DLG5: variants seen among roughly 807,000 people sequenced by gnomAD.
The protein encoded by DLG5 is discs large MAGUK scaffold protein 5.
Under a neutral mutation model 189.8 loss-of-function variants are expected in DLG5, and 48 were observed. That is an observed-to-expected ratio of 0.25 (90% CI 0.20 to 0.32). The LOEUF is 0.32. Ranked by LOEUF, DLG5 falls within the 10% of genes least tolerant of loss-of-function variation. The pLI, the probability that DLG5 is intolerant of heterozygous loss-of-function variation, is 1.00. For synonymous variants in DLG5, 1,016 were observed against 1,054.1 expected (o/e 0.96, Z 0.70); for missense variants, 2,160 against 2,544.7 (o/e 0.85, Z 3.25).
chr10:77,846,813 T>A (rs906558602), intron 5 of DLG5: 3 of 438,642 alleles, frequency 6.8e-6, no homozygotes, highest in African/African-American at 6.1e-5. Context: ...TGTCATTGCC[T>A]GAGTTCCCCA....
At chr10:77,937,282 C>T in the DLG5 span, among the ~76,000 whole-genome samples, 14 of 152,218 alleles carry the variant, frequency 9.2e-5, no homozygotes, top group Non-Finnish European at 7.3e-5. Flanking sequence ...AAACTCCTCT[C>T]ATTCTCTAGG....
At chr10:77,858,856 G>T (rs1049065131) in intron 2 of DLG5, among the ~76,000 whole-genome samples, 2 of 152,172 alleles carry the variant, frequency 1.3e-5, no homozygotes, top group Non-Finnish European at 2.9e-5. Context: ...TGTACAATGT[G>T]TTTGTGTGTA....
At chr10:77,904,810 G>A (rs963344551) in intron 1 of DLG5, among the ~76,000 whole-genome samples, 1 of 151,938 alleles carries the variant, frequency 6.6e-6, no homozygotes, top group African/African-American at 2.4e-5. Context: ...ATCCTGAGCA[G>A]AGTTTTACTT....
At chr10:77,884,677 C>T (rs1589252427) in intron 1 of DLG5, among the ~76,000 whole-genome samples, 1 of 152,244 alleles carries the variant, frequency 6.6e-6, no homozygotes, top group South Asian at 2.1e-4. Flanking sequence ...GGACAATTAT[C>T]TTTTTTCCAT....
chr10:77,796,539 C>T lies in DLG5; in HGVS notation c.5220G>A (p.Arg1740=), dbSNP rs1840931450. 1 of 1,614,178 alleles carries T rather than the reference C, an allele frequency of 6.2e-7. No individual in the cohort carries two copies. Among genetic ancestry groups the T allele is most frequent in the African/African-American group, 1.3e-5 (1 of 75,056 alleles). ...RVQKVDCTAL[R]PVLILGPLLD... Reference sequence around the variant, plus strand: ...GCAAAGGCCCCAGAATCAGGACAGGCCTCAGAGCGGTGCAGTCCACCTTCT... The same window carrying T: ...GCAAAGGCCCCAGAATCAGGACAGGTCTCAGAGCGGTGCAGTCCACCTTCT... The change falls in exon 28 of 32, where the codon AGG becomes AGA. Residue 1740 remains arginine, a synonymous_variant. Coordinates refer to ENST00000372391, the MANE Select transcript of DLG5 (RefSeq NM_004747.4). The surrounding 1 kb of genome is among the most constrained non-coding windows in gnomAD (Gnocchi z 5.2).
chr10:77,820,459 G>T (rs1035069663), intron 15 of DLG5: 5 of 165,754 alleles, frequency 3.0e-5, no homozygotes, highest in African/African-American at 9.6e-5. Flanking sequence ...GGACATGAAT[G>T]GGAACGCTGC....
rs376751552 is a variant in DLG5 at position 77,854,286 on chromosome 10, G to A, written c.621C>T (p.Asn207=). 3.7e-6 allele frequency: 6 copies of A among 1,614,222 alleles called. No individual in the cohort carries two copies. Among genetic ancestry groups the A allele is most frequent in the Non-Finnish European group, 5.1e-6 (6 of 1,180,050 alleles). Residue 207 remains asparagine (N), a synonymous_variant, in exon 4 of 32, where the codon AAC becomes AAT. Coordinates refer to ENST00000372391, the MANE Select transcript of DLG5 (RefSeq NM_004747.4). ...ACCTCTTCAAGGCGTTGGTGTGCTG[G>A]TTCTGCAGGCTCTGCAGGTCCGACA... ...RAMSDLQSLQ[N]QHTNALKRCE... is the part of the protein sequence containing the mutation.
chr10:77,840,480 G>C (rs535418310), intron 7 of DLG5, among the ~76,000 whole-genome samples: 4 of 152,358 alleles, frequency 2.6e-5, no homozygotes, highest in African/African-American at 7.2e-5. Flanking sequence ...TACTTTGGGA[G>C]GCCGAGGCGG....
At chr10:77,856,704 G>A in intron 3 of DLG5, 26 bp downstream of exon 3, 1 of 1,608,016 alleles carries the variant, frequency 6.2e-7, no homozygotes, top group Non-Finnish European at 8.5e-7. Context: ...ATGGGGCCTG[G>A]GCAGGGGAGA....
chr10:77,866,722 CTG>C (rs1844698251), intron 2 of DLG5, among the ~76,000 whole-genome samples: 1 of 152,030 alleles, frequency 6.6e-6, no homozygotes, highest in Admixed American at 6.6e-5. Context: ...CGCCATGAGA[CTG>C]TGTGAAGACA....
At chr10:77,917,419 G>A (rs1343856975) in intron 1 of DLG5, among the ~76,000 whole-genome samples, 2 of 151,946 alleles carry the variant, frequency 1.3e-5, no homozygotes, top group Non-Finnish European at 2.9e-5. Flanking sequence ...GGGAGGCTGA[G>A]GTGGGAGGAT....
At chr10:77,894,302 G>C (rs2154577696) in intron 1 of DLG5, among the ~76,000 whole-genome samples, 2 of 152,170 alleles carry the variant, frequency 1.3e-5, no homozygotes, top group East Asian at 3.9e-4. Flanking sequence ...CTGTGCCTCT[G>C]TCTGCACCTC....
intron 8 of DLG5, 129 bp downstream of exon 8, chr10:77,835,609 G>C (rs1269763811): frequency 1.0e-6 from 1 of 989,068 alleles, no homozygotes. Flanking sequence ...GGGTGAGAAA[G>C]GAGGAGCCCA....
At chr10:77,910,732 G>C (rs1273851092) in intron 1 of DLG5, among the ~76,000 whole-genome samples, 1 of 152,140 alleles carries the variant, frequency 6.6e-6, no homozygotes, top group African/African-American at 2.4e-5. Flanking sequence ...AGCACTTTGG[G>C]GGGCCAAGGC....
chr10:77,861,907 C>CTG (rs1203585644), intron 2 of DLG5, among the ~76,000 whole-genome samples: 4 of 152,200 alleles, frequency 2.6e-5, no homozygotes, highest in African/African-American at 4.8e-5. Context: ...ATCCATCACA[C>CTG]ATCAGGCTCT....
intron 1 of DLG5, among the ~76,000 whole-genome samples, chr10:77,916,177 GC>G (rs1410338906): frequency 6.6e-6 from 1 of 152,100 alleles, no homozygotes; most frequent in Non-Finnish European, 1.5e-5. Context: ...CCATGATCAT[GC>G]CACTGCACTC....
Position 77,861,530 on chromosome 10 carries a change from A to G in DLG5, c.374-4638T>C, listed in dbSNP as rs551661700. The stretch of plus-strand genomic sequence containing the variant: ...CCCAACACACCCCATCTCTGTCTCC[A>G]GACGTCTCAGTCTACAGCCATGAGG... On this transcript the variant is annotated intron_variant, in intron 2 of 31. Coordinates refer to ENST00000372391, the MANE Select transcript of DLG5 (RefSeq NM_004747.4). Among the ~76,000 whole-genome samples, 5 of 152,342 alleles carry G rather than the reference A, an allele frequency of 3.3e-5. No individual in the cohort carries two copies. The South Asian group carries it at 1.0e-3, about 32-fold the overall frequency.
chr10:77,824,545 G>C (rs951428496), intron 13 of DLG5, 69 bp from the exon 14 acceptor site: 63 of 1,259,964 alleles, frequency 5.0e-5, no homozygotes, highest in Non-Finnish European at 6.2e-5. Context: ...CAGGATCTCT[G>C]CCTACCTAAC....
chr10:77,842,206 G>A lies in DLG5; in HGVS notation c.1125-13C>T, dbSNP rs772663672. The A allele has an allele frequency of 2.9e-5, 47 of 1,595,066 alleles. No individual in the cohort carries two copies. The highest frequency in any genetic ancestry group is 8.8e-5 in the South Asian group (8 of 90,624). On this transcript the variant is annotated splice_polypyrimidine_tract_variant and intron_variant, in intron 6 of 31. Transcript: ENST00000372391. ...GATCGCCTCAAACCTGGCAAGAGAG[G>A]TGGCGAGATGTGGGAAGGGCGGGGG...
Sources: gnomAD v4.1 joint callset for allele counts (sites outside exome capture counted in the v4.1 genomes callset) on GRCh38, gnomAD v4.1.1 for gene constraint, Gnocchi (gnomAD v3.1) non-coding constraint, MANE v1.5 for transcripts, NCBI Gene and HGNC (gene_info 2026-07-23, HGNC 2026-07-21) for gene names.